The following ABHD17C variants were observed in gnomAD, a reference collection of about 807,000 sequenced individuals.
The protein encoded by ABHD17C is abhydrolase domain containing 17C, depalmitoylase.
A neutral mutation model predicts 27.9 loss-of-function variants in ABHD17C; 11 were observed. The observed-to-expected ratio is 0.39, with a 90% CI of 0.25 to 0.65. ABHD17C has a LOEUF of 0.65. Among genes scored for constraint, ABHD17C ranks in the 30% least tolerant of loss-of-function variants. The pLI is 0.45. For missense variants in ABHD17C, 280 were observed against 470.2 expected, an observed-to-expected ratio of 0.60 and a Z score of 3.74; for synonymous variants, 233 against 209.1, an observed-to-expected ratio of 1.11 and a Z score of -0.98.
intron 1 of ABHD17C, among the ~76,000 whole-genome samples, chr15:80,733,488 A>G (rs1012410322): frequency 6.6e-6 from 1 of 152,308 alleles, no homozygotes; most frequent in Non-Finnish European, 1.5e-5. Context: ...GGAGGATTCA[A>G]TACTCTTATT....
chr15:80,695,641 C>T lies in ABHD17C; in HGVS notation c.212C>T (p.Pro71Leu). ...ACCGCCGCCGCCGCCGCGGCCCAGCCGGCACCGCAGCAGCCCGAGGAGGGC... is the reference window on the plus strand; with the variant it reads ...ACCGCCGCCGCCGCCGCGGCCCAGCTGGCACCGCAGCAGCCCGAGGAGGGC... ...QATAAAAAAQ[P>L]APQQPEEGAG... Residue 71 changes from proline (P) to leucine (L), a missense_variant, in exon 1 of 3, where the codon CCG (proline) becomes CTG (leucine). Physicochemically the swap from Pro to Leu is moderately conservative, Grantham distance 98 (BLOSUM62 -3). This residue lies in a region of ABHD17C where 206 missense variants were observed against 394.7 expected (regional missense o/e 0.52). Transcript: ENST00000258884. The surrounding 1 kb of genome is among the most constrained non-coding windows in gnomAD (Gnocchi z 4.3). 7.5e-7 allele frequency: 1 copy of T among 1,325,266 alleles called. No homozygotes were observed. Among genetic ancestry groups the T allele is most frequent in the African/African-American group, 1.6e-5 (1 of 64,198 alleles). The allele number at this position is 1,325,266 out of a possible 1,614,324, so 82.1% of individuals were successfully genotyped here.
chr15:80,702,537 T>TACTTAGAGTTTCCCTTTAAGGTC (rs1487371120), intron 1 of ABHD17C: 1 of 152,248 alleles, frequency 6.6e-6, no homozygotes, highest in Non-Finnish European at 1.5e-5. Context: ...GTCCTGAGAT[T>TACTTAGAGTTTCCCTTTAAGGTC]ACTTAGAGTT....
intron 1 of ABHD17C, among the ~76,000 whole-genome samples, chr15:80,700,606 A>G (rs1894558116): frequency 6.6e-6 from 1 of 152,192 alleles, no homozygotes; most frequent in African/African-American, 2.4e-5. Context: ...CCAGTAAACC[A>G]TTAAACATAG....
intron 1 of ABHD17C, among the ~76,000 whole-genome samples, chr15:80,723,347 C>T (rs1894925945): frequency 6.6e-6 from 1 of 152,144 alleles, no homozygotes; most frequent in Non-Finnish European, 1.5e-5. Flanking sequence ...ATTAATGAAG[C>T]CTGCACAGTT....
At chr15:80,718,430 T>C (rs1051197679) in intron 1 of ABHD17C, among the ~76,000 whole-genome samples, 7 of 152,154 alleles carry the variant, frequency 4.6e-5, no homozygotes, top group African/African-American at 7.2e-5. Context: ...CTTCCCGAGT[T>C]CAAGTGATTC....
At chr15:80,736,952 C>A (rs1567037235) in intron 1 of ABHD17C, among the ~76,000 whole-genome samples, 3 of 152,228 alleles carry the variant, frequency 2.0e-5, no homozygotes, top group African/African-American at 7.2e-5. Flanking sequence ...ATTGCAGGAA[C>A]TTCCTGCCTC....
intron 1 of ABHD17C, among the ~76,000 whole-genome samples, chr15:80,732,268 T>C (rs921338422): frequency 3.3e-5 from 5 of 152,206 alleles, no homozygotes; most frequent in African/African-American, 7.2e-5. Flanking sequence ...TTGTGCCTGA[T>C]GCAGAAGCTG....
intron 1 of ABHD17C, among the ~76,000 whole-genome samples, chr15:80,706,250 T>A (rs1894646909): frequency 6.6e-6 from 1 of 152,146 alleles, no homozygotes; most frequent in African/African-American, 2.4e-5. Context: ...AACTCCCACG[T>A]TATTGATTCA....
At chr15:80,712,736 T>C (rs1029853078) in intron 1 of ABHD17C, among the ~76,000 whole-genome samples, 1 of 152,198 alleles carries the variant, frequency 6.6e-6, no homozygotes, top group African/African-American at 2.4e-5. Context: ...GTTGTTATGG[T>C]TGAAGGATAT....
In ABHD17C at chr15:80,695,599, C is replaced by G. The variant is rs1029986814; in HGVS notation, c.170C>G (p.Pro57Arg). The G allele has an allele frequency of 1.6e-5, 18 of 1,117,356 alleles. No homozygotes were observed. In the Admixed American group the frequency reaches 2.0e-4, roughly 13 times the overall value. The allele number at this position is 1,117,356 out of a possible 1,614,324, so 69.2% of individuals were successfully genotyped here. A position where few individuals can be genotyped will look rare whatever the true frequency, so the allele number is the denominator to read the frequency against. Reference protein sequence around the residue: ...PEQRGAGASAPAPAQATAAAA... With the variant: ...PEQRGAGASARAPAQATAAAA... ...CAGCGCGGCGCCGGCGCGTCCGCCCCGGCCCCGGCCCAGGCTACCGCCGCC... is the reference window on the plus strand; with the variant it reads ...CAGCGCGGCGCCGGCGCGTCCGCCCGGGCCCCGGCCCAGGCTACCGCCGCC... Residue 57 changes from proline (P) to arginine (R), a missense_variant, in exon 1 of 3, where the codon CCG becomes CGG. By Grantham distance (103) the Pro-to-Arg change is moderately radical. Coordinates refer to ENST00000258884, the MANE Select transcript of ABHD17C (RefSeq NM_021214.2). This position sits in a 1 kb window ranked among gnomAD's most constrained non-coding sequence, Gnocchi z 4.3.
chr15:80,743,773 G>C (rs1289571635), intron 1 of ABHD17C, among the ~76,000 whole-genome samples: 2 of 152,116 alleles, frequency 1.3e-5, no homozygotes, highest in Non-Finnish European at 2.9e-5. Flanking sequence ...TTTTAGTAGA[G>C]ATAAGGTTTC....
intron 2 of ABHD17C, among the ~76,000 whole-genome samples, chr15:80,751,945 C>T (rs539306428): frequency 1.2e-4 from 18 of 152,288 alleles, no homozygotes; most frequent in African/African-American, 4.3e-4. Flanking sequence ...TCATCTGTGT[C>T]CCTCTCCTTA....
intron 1 of ABHD17C, among the ~76,000 whole-genome samples, chr15:80,713,351 G>GTTTTTTTTTTTTTTTT (rs1596062478): frequency 7.1e-5 from 2 of 28,140 alleles, no homozygotes; most frequent in East Asian, 2.9e-3. Context: ...CTGAGGTCTT[G>GTTTTTTTTTTTTTTTT]TTCTTTTTTT....
rs1306772042 is a variant in ABHD17C, at chr15:80,695,477, G to A, written c.48G>A (p.Leu16=). The change falls in exon 1 of 3, where the codon CTG becomes CTA. Residue 16 remains leucine, a synonymous_variant. Transcript: ENST00000258884. This position sits in a 1 kb window ranked among gnomAD's most constrained non-coding sequence, Gnocchi z 4.3. ...TGAACGGCTTCTCGCTGGGTGAGCT[G>A]TGCTGGCTCTTCTGCTGCCCGCCCT... ...PRMNGFSLGE[L]CWLFCCPPCP... 6 of 1,393,220 alleles carry A rather than the reference G, an allele frequency of 4.3e-6. No individual in the cohort carries two copies. Among genetic ancestry groups the A allele is most frequent in the Non-Finnish European group, 5.6e-6 (6 of 1,063,182 alleles). 86.3% of individuals were successfully genotyped at this position (1,393,220 alleles called of 1,614,324 possible). A position where few individuals can be genotyped will look rare whatever the true frequency, so the allele number is the denominator to read the frequency against.
At chr15:80,750,607 T>C (rs59892204) in intron 2 of ABHD17C, among the ~76,000 whole-genome samples, 18,401 of 152,248 alleles carry the variant, frequency 0.12, 1,393 homozygotes, top group East Asian at 0.29. Context: ...CAGACTGTCT[T>C]ATTTCACAGA....
chr15:80,717,254 G>A (rs1894815891), intron 1 of ABHD17C, among the ~76,000 whole-genome samples: 1 of 41,440 alleles, frequency 2.4e-5, no homozygotes. Flanking sequence ...ATTTGATGGG[G>A]GCCAAAAAAA....
intron 1 of ABHD17C, among the ~76,000 whole-genome samples, chr15:80,729,569 A>C (rs1443612448): frequency 6.6e-6 from 1 of 152,188 alleles, no homozygotes; most frequent in Non-Finnish European, 1.5e-5. Context: ...GTGAAAAAAA[A>C]CAGTTCTTGA....
At chr15:80,709,536 C>G (rs1454303011) in intron 1 of ABHD17C, among the ~76,000 whole-genome samples, 4 of 152,074 alleles carry the variant, frequency 2.6e-5, no homozygotes, top group Middle Eastern at 6.8e-3. Flanking sequence ...CTATTGGTAG[C>G]TGTTGTTGGC....
chr15:80,723,136 ATATG>A (rs1468581095), intron 1 of ABHD17C, among the ~76,000 whole-genome samples: 4,422 of 92,452 alleles, frequency 0.048, 148 homozygotes, highest in African/African-American at 0.1. Context: ...GTGTGTGTAT[ATATG>A]TGTGTGTGTG....
Sources: gnomAD v4.1 joint callset for allele counts (sites outside exome capture counted in the v4.1 genomes callset) on GRCh38, gnomAD v4.1.1 for gene constraint, gnomAD v4.1.1 regional missense constraint, Gnocchi (gnomAD v3.1) non-coding constraint, MANE v1.5 for transcripts, NCBI Gene and HGNC (gene_info 2026-07-23, HGNC 2026-07-21) for gene names.